TMEM232: variants seen among roughly 807,000 people sequenced by gnomAD.
TMEM232 encodes transmembrane protein 232.
In TMEM232, 80 loss-of-function variants were observed where a neutral mutation model predicts 78.8. That is an observed-to-expected ratio of 1.01 (90% CI 0.85 to 1.22). The LOEUF (loss-of-function observed/expected upper bound fraction) is 1.22, where lower values mean the gene tolerates loss of function less well. Ranked by LOEUF, TMEM232 falls within the 50% of genes most tolerant of loss-of-function variation. TMEM232 has a pLI of 0.00. For missense variants in TMEM232, 881 were observed against 742.2 expected (o/e 1.19, Z -2.17); for synonymous variants, 297 against 254.3 (o/e 1.17, Z -1.60).
chr5:110,669,766 C>G (rs1791113295), intron 1 of TMEM232, among the ~76,000 whole-genome samples: 1 of 152,152 alleles, frequency 6.6e-6, no homozygotes, highest in Non-Finnish European at 1.5e-5. Flanking sequence ...AGCAGCACAT[C>G]AAAAAGCTTA....
chr5:110,419,100 T>C (rs982400129), downstream of TMEM232, among the ~76,000 whole-genome samples: 1 of 151,752 alleles, frequency 6.6e-6, no homozygotes, highest in African/African-American at 2.4e-5. Context: ...AGATAGTGAA[T>C]AGTTGATGGA....
Position 110,726,368 on chromosome 5 carries a change from A to G in TMEM232, c.-13+259T>C, listed in dbSNP as rs1349347154. Among the ~76,000 whole-genome samples, 4 of 152,088 alleles carry G rather than the reference A, an allele frequency of 2.6e-5. 1 individual carries two copies. Among genetic ancestry groups the G allele is most frequent in the Non-Finnish European group, 4.4e-5 (3 of 68,006 alleles). On this transcript the variant is annotated intron_variant, in intron 1 of 13. Transcript: ENST00000455884. ...GTTCCCACCTCCTTTATTCTCCCCA[A>G]CAAAAAAGCTTCCCCTATCAAACGA... is the stretch of plus-strand genomic sequence containing the variant.
chr5:110,638,127 A>T (rs1351292804), intron 5 of TMEM232, 71 bp downstream of exon 5: 1 of 1,224,434 alleles, frequency 8.2e-7, no homozygotes, highest in African/African-American at 1.6e-5. Context: ...TTTGATCCTA[A>T]AACAGATGTC....
chr5:110,441,730 G>T (rs1759064787), intron 12 of TMEM232, among the ~76,000 whole-genome samples: 1 of 152,128 alleles, frequency 6.6e-6, no homozygotes. Flanking sequence ...GAATGAGGAT[G>T]GACTTTGGCT....
At chr5:110,631,591 A>T (rs144433591) in intron 5 of TMEM232, among the ~76,000 whole-genome samples, 1,524 of 152,242 alleles carry the variant, frequency 0.01, 34 homozygotes, top group African/African-American at 0.034. Context: ...ACCAGATGGC[A>T]CCTTGTCTGG....
At chr5:110,676,937 T>A (rs1043695664) in intron 1 of TMEM232, among the ~76,000 whole-genome samples, 1 of 151,854 alleles carries the variant, frequency 6.6e-6, no homozygotes, top group Non-Finnish European at 1.5e-5. Context: ...ATTTTGTATT[T>A]TTTAGTAGAG....
intron 5 of TMEM232, among the ~76,000 whole-genome samples, chr5:110,636,132 A>G (rs1044594304): frequency 6.6e-6 from 1 of 152,044 alleles, no homozygotes; most frequent in African/African-American, 2.4e-5. Flanking sequence ...ACTGGGAGTC[A>G]CTATGTTAAA....
chr5:110,481,855 A>T (rs1467132802), intron 12 of TMEM232, among the ~76,000 whole-genome samples: 2 of 152,140 alleles, frequency 1.3e-5, no homozygotes, highest in African/African-American at 4.8e-5. Flanking sequence ...CTAAAAAACT[A>T]AGGCTGTTCC....
At chr5:110,443,390 C>T (rs192597029) in intron 12 of TMEM232, among the ~76,000 whole-genome samples, 127 of 152,274 alleles carry the variant, frequency 8.3e-4, no homozygotes, top group African/African-American at 2.8e-3. Context: ...GGAATTCTGC[C>T]AGGCCACCAC....
chr5:110,449,575 C>T (rs1413516759), intron 12 of TMEM232, among the ~76,000 whole-genome samples: 1 of 151,638 alleles, frequency 6.6e-6, no homozygotes, highest in Non-Finnish European at 1.5e-5. Flanking sequence ...TTATTTACTA[C>T]CTTTCTTTAA....
chr5:110,590,759 T>C (rs1458085781), intron 10 of TMEM232, among the ~76,000 whole-genome samples: 1 of 152,194 alleles, frequency 6.6e-6, no homozygotes, highest in East Asian at 1.9e-4. Context: ...GAGGTTTTAA[T>C]TGACTTACAG....
intron 1 of TMEM232, among the ~76,000 whole-genome samples, chr5:110,684,057 T>C (rs1054927830): frequency 2.6e-5 from 4 of 151,950 alleles, no homozygotes; most frequent in African/African-American, 9.6e-5. Flanking sequence ...CTAAGAACAG[T>C]TCTCCTTATT....
chr5:110,500,705 A>G (rs1766173001), intron 12 of TMEM232, among the ~76,000 whole-genome samples: 2 of 152,176 alleles, frequency 1.3e-5, no homozygotes, highest in African/African-American at 4.8e-5. Flanking sequence ...AAAAGCAATA[A>G]CTATGGAATA....
chr5:110,628,025 A>C, intron 5 of TMEM232, 145 bp from the exon 6 acceptor site: 1 of 660,298 alleles, frequency 1.5e-6, no homozygotes, highest in South Asian at 1.9e-5. Context: ...TTTTTAAATA[A>C]CATTAAAACA....
At chr5:110,393,372 T>C (rs1277080962) in intron 3 of TMEM232, among the ~76,000 whole-genome samples, 1 of 152,220 alleles carries the variant, frequency 6.6e-6, no homozygotes, top group Non-Finnish European at 1.5e-5. Context: ...CCTTGAAGAA[T>C]TGACCTCTTC....
At chr5:110,705,703 T>C (rs1291707463) in intron 1 of TMEM232, among the ~76,000 whole-genome samples, 1 of 91,246 alleles carries the variant, frequency 1.1e-5, no homozygotes, top group Admixed American at 1.4e-4. Flanking sequence ...ACAGTATATG[T>C]GTGTGTATAT....
chr5:110,554,889 G>A (rs759516666), intron 11 of TMEM232, among the ~76,000 whole-genome samples: 3 of 152,088 alleles, frequency 2.0e-5, no homozygotes, highest in African/African-American at 4.8e-5. Flanking sequence ...AACCTTGGGA[G>A]GTTATGTGTT....
At chr5:110,466,807 G>T (rs557127149) in intron 12 of TMEM232, among the ~76,000 whole-genome samples, 2 of 151,796 alleles carry the variant, frequency 1.3e-5, no homozygotes, top group Non-Finnish European at 1.5e-5. Flanking sequence ...AGTAGAGACG[G>T]GGTTTCGCTG....
chr5:110,632,104 C>A (rs1026859667), intron 5 of TMEM232, among the ~76,000 whole-genome samples: 1 of 152,086 alleles, frequency 6.6e-6, no homozygotes, highest in Non-Finnish European at 1.5e-5. Context: ...CTTAACCACA[C>A]TCTAAACCAC....
Sources: gnomAD v4.1 joint callset for allele counts (sites outside exome capture counted in the v4.1 genomes callset) on GRCh38, gnomAD v4.1.1 for gene constraint, MANE v1.5 for transcripts, NCBI Gene and HGNC (gene_info 2026-07-23, HGNC 2026-07-21) for gene names.